Variants in CHCHD3 observed in about 807,000 individuals in gnomAD.
CHCHD3 encodes coiled-coil-helix-coiled-coil-helix domain containing 3, also known as MICOS complex subunit MIC19.
In CHCHD3, 20 loss-of-function variants were observed where a neutral mutation model predicts 38.2. That is an observed-to-expected ratio of 0.52 (90% confidence interval 0.37 to 0.76). The LOEUF is 0.76. CHCHD3 is among the 30% of genes least tolerant of loss of function. The pLI is 0.00. For synonymous variants in CHCHD3, 82 were observed against 100.0 expected, an observed-to-expected ratio of 0.82 and a Z score of 1.07; for missense variants, 245 against 279.2, an observed-to-expected ratio of 0.88 and a Z score of 0.87.
intron 6 of CHCHD3, among the ~76,000 whole-genome samples, chr7:132,806,637 CAAAAG>C (rs1433306043): frequency 6.7e-6 from 1 of 150,344 alleles, no homozygotes; most frequent in African/African-American, 2.5e-5. Flanking sequence ...GGAAAGGCAG[CAAAAG>C]AAGAGAGAAG....
At chr7:132,824,788 C>A (rs1468750504) in intron 6 of CHCHD3, among the ~76,000 whole-genome samples, 1 of 152,210 alleles carries the variant, frequency 6.6e-6, no homozygotes, top group African/African-American at 2.4e-5. Context: ...CTCTTCATAG[C>A]AAGGCCATTC....
intron 4 of CHCHD3, among the ~76,000 whole-genome samples, chr7:132,956,571 T>C (rs1374082894): frequency 6.6e-6 from 1 of 152,236 alleles, no homozygotes; most frequent in Non-Finnish European, 1.5e-5. Flanking sequence ...TACAATATAA[T>C]GTCATTATAA....
intron 4 of CHCHD3, among the ~76,000 whole-genome samples, chr7:132,970,182 C>T (rs34310498): frequency 4.0e-3 from 606 of 152,278 alleles, no homozygotes; most frequent in Non-Finnish European, 7.1e-3. Context: ...TCCCCCTATC[C>T]CCACGTTTCC....
intron 4 of CHCHD3, among the ~76,000 whole-genome samples, chr7:132,892,588 G>A (rs1809389099): frequency 6.6e-6 from 1 of 152,196 alleles, no homozygotes. Flanking sequence ...AATGTCTCCA[G>A]GGCATGTCAG....
In CHCHD3 at chr7:132,903,687, T is replaced by G. The variant is rs140009621; in HGVS notation, c.370-17942A>C. On this transcript the variant is annotated intron_variant, in intron 4 of 7. Coordinates refer to ENST00000262570, the MANE Select transcript of CHCHD3 (RefSeq NM_017812.4). ...AACTACCTGGCATGGGTATCCGGCCTGCTTATGGCTATAGTTATTGTTTTA... is the reference window on the plus strand; with the variant it reads ...AACTACCTGGCATGGGTATCCGGCCGGCTTATGGCTATAGTTATTGTTTTA... Among the ~76,000 whole-genome samples, 871 of 152,358 alleles carry G rather than the reference T, an allele frequency of 5.7e-3. 7 individuals are homozygous for G. Among genetic ancestry groups the G allele is most frequent in the African/African-American group, 0.02 (833 of 41,584 alleles).
rs1238632728 is a variant in CHCHD3, at chr7:132,985,254, G to C, written c.252-9968C>G. 7.5e-4 allele frequency among the ~76,000 whole-genome samples: 57 copies of C among 76,010 alleles called. 5 individuals carry two copies. Among genetic ancestry groups the C allele is most frequent in the African/African-American group, 2.7e-3 (54 of 19,898 alleles). 49.9% of individuals were successfully genotyped at this position (76,010 alleles called of 152,430 possible). On this transcript the variant is annotated intron_variant, in intron 3 of 7. Coordinates refer to ENST00000262570, the MANE Select transcript of CHCHD3 (RefSeq NM_017812.4). Reference sequence around the variant, plus strand: ...GCCCCATCCGGGAGGGAGGTGGGGGGGTCAGCCCCCCGCCCGGCCAGCCGC... The same window carrying C: ...GCCCCATCCGGGAGGGAGGTGGGGGCGTCAGCCCCCCGCCCGGCCAGCCGC...
intron 2 of CHCHD3, among the ~76,000 whole-genome samples, chr7:133,030,947 T>C (rs1272150301): frequency 2.0e-5 from 3 of 152,192 alleles, no homozygotes; most frequent in Non-Finnish European, 4.4e-5. Flanking sequence ...TCTGGATTCC[T>C]AACAAATTTT....
At chr7:132,806,829 T>C (rs79972799) in intron 6 of CHCHD3, among the ~76,000 whole-genome samples, 1 of 152,042 alleles carries the variant, frequency 6.6e-6, no homozygotes, top group African/African-American at 2.4e-5. Context: ...GCTTAAAAGT[T>C]AGGATGTCAG....
intron 3 of CHCHD3, among the ~76,000 whole-genome samples, chr7:133,011,562 T>A (rs976312986): frequency 3.9e-4 from 60 of 152,148 alleles, no homozygotes; most frequent in African/African-American, 1.3e-3. Context: ...GTACCCCCAA[T>A]GTTAGGACAA....
chr7:132,985,130 T>C lies in CHCHD3; in HGVS notation c.252-9844A>G, dbSNP rs1230102158. Among the ~76,000 whole-genome samples, 2 of 80,872 alleles carry C rather than the reference T, an allele frequency of 2.5e-5. 1 individual carries two copies. Among genetic ancestry groups the C allele is most frequent in the East Asian group, 1.2e-3 (2 of 1,714 alleles). The allele number at this position is 80,872 out of a possible 152,430, so 53.1% of individuals were successfully genotyped here. A position where few individuals can be genotyped will look rare whatever the true frequency, so the allele number is the denominator to read the frequency against. ...CCATCCGGGAGGTGAGGGGCGCCTC[T>C]GCCCGGCCGCCCCTACTGGGAAGTG... On this transcript the variant is annotated intron_variant, in intron 3 of 7. Transcript: ENST00000262570.
intron 5 of CHCHD3, among the ~76,000 whole-genome samples, chr7:132,871,863 C>T (rs1353811085): frequency 6.6e-6 from 1 of 151,946 alleles, no homozygotes; most frequent in East Asian, 1.9e-4. Context: ...CAAAATGTGA[C>T]TATAATCAAG....
chr7:133,008,443 A>G (rs1038868476), intron 3 of CHCHD3, among the ~76,000 whole-genome samples: 1 of 152,070 alleles, frequency 6.6e-6, no homozygotes, highest in Non-Finnish European at 1.5e-5. Context: ...AAAAAGAAAA[A>G]AAAAGCAATT....
intron 5 of CHCHD3, among the ~76,000 whole-genome samples, chr7:132,872,104 G>A (rs1052758843): frequency 6.6e-6 from 1 of 152,152 alleles, no homozygotes; most frequent in Non-Finnish European, 1.5e-5. Flanking sequence ...TAATTGAGTG[G>A]TACATGTACT....
intron 4 of CHCHD3, among the ~76,000 whole-genome samples, chr7:132,914,364 A>C (rs564309209): frequency 5.3e-5 from 8 of 152,282 alleles, no homozygotes; most frequent in African/African-American, 1.7e-4. Context: ...TTGTCAGTTT[A>C]CTTCATCAGT....
intron 4 of CHCHD3, among the ~76,000 whole-genome samples, chr7:132,932,756 T>G (rs901768619): frequency 2.4e-4 from 36 of 152,194 alleles, no homozygotes; most frequent in Admixed American, 6.5e-5. Context: ...TGAGGAGACC[T>G]CCTTTCAATT....
chr7:132,800,156 T>C (rs530559442), intron 6 of CHCHD3, among the ~76,000 whole-genome samples: 1 of 152,204 alleles, frequency 6.6e-6, no homozygotes, highest in Non-Finnish European at 1.5e-5. Context: ...TTGTAGAAAC[T>C]TTGGAAAAAG....
chr7:132,793,988 G>C (rs1806537018), intron 7 of CHCHD3, among the ~76,000 whole-genome samples: 1 of 152,204 alleles, frequency 6.6e-6, no homozygotes, highest in South Asian at 2.1e-4. Flanking sequence ...GGACAACCTG[G>C]TATTGGAAGG....
rs111362128 is a variant in CHCHD3, at chr7:132,797,394, C to G, written c.525-817G>C. Among the ~76,000 whole-genome samples, 1,250 of 152,318 alleles carry G rather than the reference C, an allele frequency of 8.2e-3. 13 individuals carry two copies. Among genetic ancestry groups the G allele is most frequent in the Non-Finnish European group, 9.6e-3 (656 of 68,036 alleles). Reference sequence around the variant, plus strand: ...TCAGCTTTCATTAGCTCTCCACCCCCCAACCCTGGTACAGTCTATCATTCC... The same window carrying G: ...TCAGCTTTCATTAGCTCTCCACCCCGCAACCCTGGTACAGTCTATCATTCC... On this transcript the variant is annotated intron_variant, in intron 6 of 7. Transcript: ENST00000262570.
intron 1 of CHCHD3, among the ~76,000 whole-genome samples, chr7:133,076,757 T>C (rs1815001696): frequency 6.6e-6 from 1 of 152,240 alleles, no homozygotes; most frequent in Non-Finnish European, 1.5e-5. Context: ...AAAGTATTTC[T>C]ACTCCCAGGT....
Sources: gnomAD v4.1 joint callset for allele counts (sites outside exome capture counted in the v4.1 genomes callset) on GRCh38, gnomAD v4.1.1 for gene constraint, MANE v1.5 for transcripts, NCBI Gene and HGNC (gene_info 2026-07-23, HGNC 2026-07-21) for gene names.